Variants in SLCO1C1 observed in about 807,000 individuals in gnomAD.
The protein encoded by SLCO1C1 is OAT-RP-5.
SLCO1C1 carries 70 observed loss-of-function variants against 76.4 expected under a neutral mutation model. That is an observed-to-expected ratio of 0.92 (90% CI 0.76 to 1.12). SLCO1C1 has a LOEUF of 1.12. SLCO1C1 is among the 50% of genes most tolerant of loss of function. The probability of loss-of-function intolerance (pLI) is 0.00; values close to 1 mark genes in which losing one functional copy is unlikely to be tolerated. For missense variants in SLCO1C1, 912 were observed against 823.8 expected (o/e 1.11, Z -1.31); for synonymous variants, 306 against 286.1 (o/e 1.07, Z -0.70).
chr12:20,720,127 GAC>G (rs1009980987), intron 7 of SLCO1C1, among the ~76,000 whole-genome samples: 35 of 152,256 alleles, frequency 2.3e-4, no homozygotes, highest in African/African-American at 7.2e-4. Flanking sequence ...TATGCTGAAT[GAC>G]AGCACATCTT....
chr12:20,741,203 G>T (rs948357711), intron 12 of SLCO1C1, among the ~76,000 whole-genome samples: 1 of 152,006 alleles, frequency 6.6e-6, no homozygotes, highest in African/African-American at 2.4e-5. Context: ...CTCCCAAGAG[G>T]TCCCTCTCCC....
At chr12:20,728,514 A>C (rs563716076) in intron 9 of SLCO1C1, among the ~76,000 whole-genome samples, 1 of 151,540 alleles carries the variant, frequency 6.6e-6, no homozygotes, top group East Asian at 1.9e-4. Context: ...GACAATGATT[A>C]TCATTCTCAA....
At chr12:20,724,409 GTGTATATATA>G (rs749519772) in intron 9 of SLCO1C1, among the ~76,000 whole-genome samples, 4,157 of 64,470 alleles carry the variant, frequency 0.064, 156 homozygotes, top group South Asian at 0.13. Flanking sequence ...GTGTGTGTGT[GTGTATATATA>G]TATATATATA....
At chr12:20,740,062 TAAA>T (rs1948729658) in intron 11 of SLCO1C1, 119 bp from the exon 12 acceptor site, 3 of 997,562 alleles carry the variant, frequency 3.0e-6, no homozygotes, top group Non-Finnish European at 4.3e-6. Flanking sequence ...TACAAAAAAA[TAAA>T]AGAATATTTC....
At chr12:20,730,959 A>G (rs958538111) in intron 9 of SLCO1C1, among the ~76,000 whole-genome samples, 5 of 152,144 alleles carry the variant, frequency 3.3e-5, no homozygotes, top group African/African-American at 4.8e-5. Context: ...CAACGCTTGC[A>G]TTTGTTTAGT....
chr12:20,725,728 C>T (rs111691117), intron 9 of SLCO1C1, among the ~76,000 whole-genome samples: 52 of 151,066 alleles, frequency 3.4e-4, no homozygotes, highest in African/African-American at 1.2e-3. Flanking sequence ...ATTGCCAAAA[C>T]ACACGGAAGT....
intron 14 of SLCO1C1, among the ~76,000 whole-genome samples, chr12:20,751,404 G>T (rs1259397150): frequency 7.2e-6 from 1 of 137,984 alleles, no homozygotes; most frequent in South Asian, 2.7e-4. Context: ...TTAAAAAAAT[G>T]CAAAAAGCAT....
At chr12:20,704,707 A>AAAGCTGGCAATGTGC (rs1946693215) in intron 3 of SLCO1C1, among the ~76,000 whole-genome samples, 1 of 124,002 alleles carries the variant, frequency 8.1e-6, no homozygotes, top group Non-Finnish European at 1.7e-5. Context: ...CGTGAACAGT[A>AAAGCTGGCAATGTGC]GTAAATTAGA....
At chr12:20,727,549 A>T (rs188695194) in intron 9 of SLCO1C1, among the ~76,000 whole-genome samples, 27 of 152,170 alleles carry the variant, frequency 1.8e-4, no homozygotes, top group Non-Finnish European at 3.2e-4. Context: ...TCGCTCTGTC[A>T]CCCAGGCTGG....
chr12:20,743,164 T>G lies in SLCO1C1; in HGVS notation c.1734-141T>G, dbSNP rs1948898008. 21 of 675,160 alleles carry G rather than the reference T, an allele frequency of 3.1e-5. 1 individual carries two copies. In the South Asian group the frequency reaches 4.8e-4, roughly 15 times the overall value. 41.8% of individuals were successfully genotyped at this position (675,160 alleles called of 1,614,324 possible). On this transcript the variant is annotated intron_variant, in intron 12 of 14. Transcript: ENST00000266509. ...GCTTTTACGTATTTTGCCCTCCCTA[T>G]GTTAGCACACCAATGGGTTCAACAT... is the stretch of plus-strand genomic sequence containing the variant.
intron 13 of SLCO1C1, among the ~76,000 whole-genome samples, chr12:20,744,978 C>T (rs1474455920): frequency 1.3e-5 from 2 of 152,008 alleles, no homozygotes; most frequent in Admixed American, 1.3e-4. Flanking sequence ...GAGTGATCTC[C>T]AGTAAGTAAA....
chr12:20,737,339 G>T, intron 11 of SLCO1C1, 67 bp downstream of exon 11: 3 of 1,473,564 alleles, frequency 2.0e-6, no homozygotes, highest in Middle Eastern at 1.8e-4. Context: ...AACTCTATGG[G>T]GGCTCACAGC....
chr12:20,712,886 A>C (rs1374622623), intron 5 of SLCO1C1, among the ~76,000 whole-genome samples: 2 of 152,206 alleles, frequency 1.3e-5, no homozygotes, highest in Non-Finnish European at 2.9e-5. Context: ...CATTCTAGAC[A>C]AAGAGGAGAA....
At chr12:20,715,017 A>G in intron 5 of SLCO1C1, 122 bp from the exon 6 acceptor site, 1 of 1,193,208 alleles carries the variant, frequency 8.4e-7, no homozygotes, top group Non-Finnish European at 1.2e-6. Flanking sequence ...CATCAAATTA[A>G]GACTATTGCA....
At chr12:20,721,747 A>G in intron 7 of SLCO1C1, 57 bp from the exon 8 acceptor site, 3 of 1,557,358 alleles carry the variant, frequency 1.9e-6, no homozygotes, top group Non-Finnish European at 2.6e-6. Context: ...TAAGTATATT[A>G]TTTTAACATA....
chr12:20,712,747 A>C (rs1947176730), intron 5 of SLCO1C1, among the ~76,000 whole-genome samples: 1 of 152,156 alleles, frequency 6.6e-6, no homozygotes, highest in Admixed American at 6.6e-5. Flanking sequence ...CAGGCAATGA[A>C]CCCCGGCTGT....
At chr12:20,742,635 G>A (rs1320666637) in intron 12 of SLCO1C1, among the ~76,000 whole-genome samples, 7 of 151,694 alleles carry the variant, frequency 4.6e-5, no homozygotes, top group Non-Finnish European at 1.0e-4. Flanking sequence ...TCGGGTTCAC[G>A]CCATTCCCCT....
chr12:20,704,238 T>C (rs1565499834), intron 3 of SLCO1C1, among the ~76,000 whole-genome samples: 1 of 151,344 alleles, frequency 6.6e-6, no homozygotes, highest in Non-Finnish European at 1.5e-5. Flanking sequence ...ATATATGGTA[T>C]ATAGATATAT....
At chr12:20,737,308 C>T in intron 11 of SLCO1C1, 36 bp downstream of exon 11, 1 of 1,530,610 alleles carries the variant, frequency 6.5e-7, no homozygotes, top group Non-Finnish European at 8.7e-7. Context: ...GGCGATGGTC[C>T]TGTTACAATA....
Sources: allele counts gnomAD v4.1 joint callset (sites outside exome capture counted in the v4.1 genomes callset), GRCh38; gene constraint gnomAD v4.1.1; transcripts MANE v1.5; gene names NCBI Gene and HGNC (gene_info 2026-07-23, HGNC 2026-07-21).